Variants in RASSF3 observed in about 807,000 individuals in gnomAD.
RASSF3 encodes Ras association domain family member 3.
In RASSF3, 19 loss-of-function variants were observed where a neutral mutation model predicts 19.9. The ratio of observed to expected loss-of-function variants is 0.96; its 90% CI spans 0.67 to 1.40. The LOEUF (loss-of-function observed/expected upper bound fraction) is 1.40, where lower values mean the gene tolerates loss of function less well. Among genes scored for constraint, RASSF3 ranks in the 40% most tolerant of loss-of-function variants. RASSF3 has a pLI of 0.00. For synonymous variants in RASSF3, 110 were observed against 104.2 expected, an observed-to-expected ratio of 1.06 and a Z score of -0.34; for missense variants, 306 against 289.8, an observed-to-expected ratio of 1.06 and a Z score of -0.41.
At chr12:64,533,924 A>C (rs1198941187) in intron 1 of RASSF3, among the ~76,000 whole-genome samples, 4 of 152,212 alleles carry the variant, frequency 2.6e-5, no homozygotes, top group Non-Finnish European at 5.9e-5. Context: ...AAATGGGTAG[A>C]TCTTTATTAT....
intron 2 of RASSF3, among the ~76,000 whole-genome samples, chr12:64,550,859 A>G (rs1300200465): frequency 1.3e-5 from 2 of 150,834 alleles, no homozygotes; most frequent in Non-Finnish European, 3.0e-5. Flanking sequence ...AAAAAAAAAG[A>G]GAGAAAGAGC....
In RASSF3 at chr12:64,684,884, A is replaced by G. The variant is rs762074862; in HGVS notation, c.209A>G (p.Lys70Arg). ...KYNLAVTDKL[K>R]MTLNSNGIYT... ...AACTTAGCAGTCACAGACAAGTTGA[A>G]GATGACCTTGGTAAGCACTCAAAAT... Residue 70 changes from lysine to arginine, a missense_variant, in exon 2 of 5, where the codon AAG becomes AGG. Transcript: ENST00000542104. 7.5e-5 allele frequency: 121 copies of G among 1,604,622 alleles called. No homozygotes were observed. The highest frequency in any genetic ancestry group is 1.0e-4 in the Non-Finnish European group (117 of 1,171,650).
chr12:64,653,178 C>G (rs945202331), intron 1 of RASSF3, among the ~76,000 whole-genome samples: 2 of 152,200 alleles, frequency 1.3e-5, no homozygotes, highest in African/African-American at 4.8e-5. Flanking sequence ...AACTGATCTT[C>G]CTGCCTCAGC....
intron 2 of RASSF3, among the ~76,000 whole-genome samples, chr12:64,599,814 C>T (rs191237764): frequency 0.013 from 1,971 of 151,940 alleles, 37 homozygotes; most frequent in African/African-American, 0.045. Flanking sequence ...GGGTGAATCA[C>T]GAGGTCAGGA....
intron 1 of RASSF3, among the ~76,000 whole-genome samples, chr12:64,632,335 G>A (rs1147105): frequency 0.36 from 55,273 of 151,966 alleles, 10,279 homozygotes; most frequent in African/African-American, 0.42. Flanking sequence ...GCCAGCCTGA[G>A]GATTGAATAT....
chr12:64,615,654 G>A (rs79959370), intron 1 of RASSF3, among the ~76,000 whole-genome samples: 188 of 151,768 alleles, frequency 1.2e-3, no homozygotes, highest in East Asian at 0.01. Flanking sequence ...GACATAATAG[G>A]TATTTTGACT....
intron 1 of RASSF3, among the ~76,000 whole-genome samples, chr12:64,647,621 C>T (rs1046295893): frequency 1.3e-5 from 2 of 152,076 alleles, no homozygotes; most frequent in Non-Finnish European, 2.9e-5. Flanking sequence ...CCATGTTGGC[C>T]AGGCTGGTCT....
At chr12:64,570,741 G>T (rs982513543) in intron 2 of RASSF3, among the ~76,000 whole-genome samples, 1 of 152,106 alleles carries the variant, frequency 6.6e-6, no homozygotes, top group Non-Finnish European at 1.5e-5. Context: ...AATCGAAGCT[G>T]CTTTTGGATT....
At chr12:64,669,440 C>T (rs1872626927) in intron 1 of RASSF3, among the ~76,000 whole-genome samples, 1 of 151,972 alleles carries the variant, frequency 6.6e-6, no homozygotes, top group Non-Finnish European at 1.5e-5. Flanking sequence ...CAGGGCATAT[C>T]CTGTGTTTAA....
At chr12:64,640,617 T>C (rs1871481600) in intron 1 of RASSF3, among the ~76,000 whole-genome samples, 2 of 152,160 alleles carry the variant, frequency 1.3e-5, no homozygotes, top group Admixed American at 1.3e-4. Context: ...TCATCCATGT[T>C]GTTGCAAATG....
chr12:64,571,043 C>A (rs1372622666), intron 2 of RASSF3, among the ~76,000 whole-genome samples: 1 of 151,952 alleles, frequency 6.6e-6, no homozygotes, highest in Non-Finnish European at 1.5e-5. Flanking sequence ...CATGGTGAAA[C>A]CCCATCTCTA....
intron 1 of RASSF3, among the ~76,000 whole-genome samples, chr12:64,527,572 T>A (rs547586277): frequency 1.1e-3 from 175 of 152,328 alleles, no homozygotes; most frequent in Non-Finnish European, 2.1e-3. Context: ...ACCCCCTTTT[T>A]TAGCATCATC....
intron 4 of RASSF3, among the ~76,000 whole-genome samples, chr12:64,694,479 G>A (rs1279597949): frequency 6.6e-6 from 1 of 152,190 alleles, no homozygotes; most frequent in African/African-American, 2.4e-5. Flanking sequence ...GGTAAGGAAT[G>A]AAAGTGTCCA....
In RASSF3 at chr12:64,695,038, A is replaced by G; in HGVS notation, c.*126A>G. 1 of 1,053,950 alleles carries G rather than the reference A, an allele frequency of 9.5e-7. No individual in the cohort carries two copies. Among genetic ancestry groups the G allele is most frequent in the African/African-American group, 1.6e-5 (1 of 61,972 alleles). The allele number at this position is 1,053,950 out of a possible 1,614,324, so 65.3% of individuals were successfully genotyped here. ...AGGGTCTTCGCCTTTCTATCTGTAGATTTTGTTCCCCAAACCTGGTCACAC... is the reference window on the plus strand; with the variant it reads ...AGGGTCTTCGCCTTTCTATCTGTAGGTTTTGTTCCCCAAACCTGGTCACAC... On this transcript the variant is annotated 3_prime_UTR_variant, in exon 5 of 5. Transcript: ENST00000542104.
intron 1 of RASSF3, among the ~76,000 whole-genome samples, chr12:64,649,278 C>T (rs61931631): frequency 4.6e-5 from 7 of 151,670 alleles, no homozygotes; most frequent in African/African-American, 9.7e-5. Flanking sequence ...CTGCAAGCTC[C>T]GCCTCCCGGG....
intron 2 of RASSF3, among the ~76,000 whole-genome samples, chr12:64,559,119 C>T (rs868193144): frequency 6.6e-6 from 1 of 152,164 alleles, no homozygotes; most frequent in African/African-American, 2.4e-5. Context: ...CTTCTGCCAT[C>T]GGCGCTGACC....
At chr12:64,636,086 G>A (rs943646666) in intron 1 of RASSF3, among the ~76,000 whole-genome samples, 5 of 151,476 alleles carry the variant, frequency 3.3e-5, no homozygotes, top group African/African-American at 1.2e-4. Context: ...TTCCAAAGAA[G>A]TTGGGGGTTT....
chr12:64,620,564 A>G lies in RASSF3; in HGVS notation c.111+9821A>G, dbSNP rs573480507. Among the ~76,000 whole-genome samples the G allele has an allele frequency of 1.1e-3, 160 of 152,336 alleles. 1 individual carries two copies. Among genetic ancestry groups the G allele is most frequent in the African/African-American group, 3.5e-3 (147 of 41,576 alleles). On this transcript the variant is annotated intron_variant, in intron 1 of 4. Transcript: ENST00000542104. ...CCTTATTTAAACCCAGGATTATGGA[A>G]TACTGCTGCTTGATTTCAGCTGTCA...
intron 2 of RASSF3, among the ~76,000 whole-genome samples, chr12:64,581,645 G>A (rs1301951542): frequency 6.6e-6 from 1 of 152,016 alleles, no homozygotes; most frequent in East Asian, 1.9e-4. Context: ...CTTGAGCCTG[G>A]GGAAAAAGTA....
Sources: gnomAD v4.1 joint callset for allele counts (sites outside exome capture counted in the v4.1 genomes callset) on GRCh38, gnomAD v4.1.1 for gene constraint, MANE v1.5 for transcripts, NCBI Gene and HGNC (gene_info 2026-07-23, HGNC 2026-07-21) for gene names.